The following CTNNA3 variants were observed in gnomAD, a reference collection of about 807,000 sequenced individuals.
CTNNA3 encodes catenin alpha-3.
A neutral mutation model predicts 95.7 loss-of-function variants in CTNNA3; 76 were observed. The observed-to-expected ratio is 0.79, with a 90% CI of 0.66 to 0.96. CTNNA3 has a LOEUF of 0.96. CTNNA3 is among the 40% of genes least tolerant of loss of function. CTNNA3 has a pLI of 0.00. For missense variants in CTNNA3, 1,191 were observed against 1,089.8 expected, an observed-to-expected ratio of 1.09 and a Z score of -1.31; for synonymous variants, 431 against 374.4, an observed-to-expected ratio of 1.15 and a Z score of -1.74.
chr10:67,188,968 T>C (rs1016406154), intron 6 of CTNNA3, among the ~76,000 whole-genome samples: 1 of 151,856 alleles, frequency 6.6e-6, no homozygotes, highest in Non-Finnish European at 1.5e-5. Flanking sequence ...CATACAAAAA[T>C]TAGCCAGGCG....
chr10:66,882,397 G>A (rs948733596), intron 7 of CTNNA3, among the ~76,000 whole-genome samples: 18 of 152,038 alleles, frequency 1.2e-4, no homozygotes, highest in African/African-American at 1.7e-4. Flanking sequence ...CTTGAATTTC[G>A]GCCATCAAAA....
chr10:67,319,723 C>T (rs1228416725), intron 5 of CTNNA3, among the ~76,000 whole-genome samples: 1 of 151,860 alleles, frequency 6.6e-6, no homozygotes, highest in African/African-American at 2.4e-5. Context: ...AAGTAAAACT[C>T]CATCTCTAAT....
At chr10:66,818,730 G>GT (rs113895449) in intron 7 of CTNNA3, among the ~76,000 whole-genome samples, 59,439 of 144,294 alleles carry the variant, frequency 0.41, 12,570 homozygotes, top group African/African-American at 0.53. Flanking sequence ...GTGTTTTGTG[G>GT]GTTTTTTTCA....
intron 9 of CTNNA3, among the ~76,000 whole-genome samples, chr10:66,699,395 T>G (rs576554407): frequency 6.6e-6 from 1 of 152,166 alleles, no homozygotes; most frequent in South Asian, 2.1e-4. Context: ...TTGGTGTTTT[T>G]CTTTTTTTCT....
intron 1 of CTNNA3, chr10:67,750,602 G>A: frequency 5.1e-6 from 8 of 1,557,628 alleles, no homozygotes; most frequent in Non-Finnish European, 7.1e-6. Context: ...TTATCTGGAT[G>A]TCTATCTTAT....
At position 67,163,812 on chromosome 10, in the gene CTNNA3, A is replaced by G. The variant is rs79376504; in HGVS notation, c.1047+16505T>C. On this transcript the variant is annotated intron_variant, in intron 7 of 17. Transcript: ENST00000433211. Reference sequence around the variant, plus strand: ...GGGTTGCAGGATATAAGATAAACATACAAAAATCGATTTTACTTGTATATA... The same window carrying G: ...GGGTTGCAGGATATAAGATAAACATGCAAAAATCGATTTTACTTGTATATA... 8.5e-3 allele frequency among the ~76,000 whole-genome samples: 1,290 copies of G among 152,164 alleles called. 28 individuals are homozygous for G. The highest frequency in any genetic ancestry group is 0.029 in the African/African-American group (1,216 of 41,568).
intron 12 of CTNNA3, among the ~76,000 whole-genome samples, chr10:66,375,240 A>G (rs1388293751): frequency 1.3e-5 from 2 of 152,092 alleles, no homozygotes; most frequent in Admixed American, 6.6e-5. Context: ...AAAAAAAAAA[A>G]AAAAGTTAGA....
intron 1 of CTNNA3, among the ~76,000 whole-genome samples, chr10:67,741,318 A>G (rs1354549169): frequency 1.3e-5 from 2 of 148,764 alleles, no homozygotes; most frequent in East Asian, 3.9e-4. Flanking sequence ...ATAATAAAAA[A>G]ATAAAAAAAT....
intron 5 of CTNNA3, among the ~76,000 whole-genome samples, chr10:67,464,789 G>A (rs1847520384): frequency 6.6e-6 from 1 of 151,648 alleles, no homozygotes; most frequent in African/African-American, 2.4e-5. Context: ...ATAAAATTCT[G>A]GACTTTTGTT....
In CTNNA3 at chr10:66,849,313, T is replaced by C. The variant is rs1843394782; in HGVS notation, c.1048-73789A>G. Among the ~76,000 whole-genome samples the C allele has an allele frequency of 2.6e-5, 4 of 152,194 alleles. No individual in the cohort carries two copies. In the South Asian group the frequency reaches 8.3e-4, roughly 31 times the overall value. On this transcript the variant is annotated intron_variant, in intron 7 of 17. Coordinates refer to ENST00000433211, the MANE Select transcript of CTNNA3 (RefSeq NM_013266.4). ...AGTAAATTAGGAAAAGCAATAAAAT[T>C]GTAGCAAATCCTATAATATGGTAGT...
intron 9 of CTNNA3, among the ~76,000 whole-genome samples, chr10:66,631,879 G>A (rs2394220): frequency 0.37 from 56,699 of 151,792 alleles, 10,781 homozygotes; most frequent in Middle Eastern, 0.5. Context: ...TTGAGTATTC[G>A]GTAACACTTC....
chr10:66,466,477 T>A (rs1303313807), intron 11 of CTNNA3, among the ~76,000 whole-genome samples: 1 of 151,956 alleles, frequency 6.6e-6, no homozygotes, highest in African/African-American at 2.4e-5. Flanking sequence ...ACGTGACCTA[T>A]AAATTCCTCA....
chr10:65,989,326 G>A (rs2078491582), intron 15 of CTNNA3, among the ~76,000 whole-genome samples: 1 of 152,096 alleles, frequency 6.6e-6, no homozygotes, highest in Non-Finnish European at 1.5e-5. Flanking sequence ...AGCCTATTGT[G>A]TTAAGTCAAG....
chr10:67,407,832 A>C (rs1448546939), intron 5 of CTNNA3, among the ~76,000 whole-genome samples: 1 of 152,232 alleles, frequency 6.6e-6, no homozygotes, highest in Non-Finnish European at 1.5e-5. Context: ...CACAATGAGA[A>C]TAAAGTACCT....
chr10:65,938,117 GTA>G (rs1469530080), intron 17 of CTNNA3, among the ~76,000 whole-genome samples: 1 of 152,106 alleles, frequency 6.6e-6, no homozygotes, highest in Non-Finnish European at 1.5e-5. Context: ...ATCTCAATGA[GTA>G]TGTTGAAGCT....
intron 7 of CTNNA3, among the ~76,000 whole-genome samples, chr10:67,092,344 CACTT>C (rs1857696135): frequency 6.6e-6 from 1 of 151,900 alleles, no homozygotes; most frequent in East Asian, 1.9e-4. Flanking sequence ...TCAGACATAA[CACTT>C]ACCAAGCAAA....
chr10:66,551,581 T>C (rs1414843330), intron 10 of CTNNA3, among the ~76,000 whole-genome samples: 2 of 152,164 alleles, frequency 1.3e-5, no homozygotes, highest in Non-Finnish European at 2.9e-5. Flanking sequence ...ATTGTTACAT[T>C]AGTAATTCCT....
rs180695067 is a variant in CTNNA3, at chr10:66,670,277, T to C, written c.1282-48493A>G. ...AATCTGGCTGGGTTCAGCTGATTCC[T>C]GGGGTCTAAAAGGTCCAAATCAAGT... On this transcript the variant is annotated intron_variant, in intron 9 of 17. Transcript: ENST00000433211. Among the ~76,000 whole-genome samples the C allele has an allele frequency of 7.2e-5, 11 of 152,286 alleles. No individual in the cohort carries two copies. The East Asian group carries it at 2.1e-3, about 29-fold the overall frequency.
intron 5 of CTNNA3, among the ~76,000 whole-genome samples, chr10:67,326,149 C>G (rs1336786149): frequency 1.3e-5 from 2 of 152,102 alleles, no homozygotes; most frequent in African/African-American, 4.8e-5. Flanking sequence ...CTCTTGAAGA[C>G]AGCATACTAT....
Sources: gnomAD v4.1 joint callset for allele counts (sites outside exome capture counted in the v4.1 genomes callset) on GRCh38, gnomAD v4.1.1 for gene constraint, MANE v1.5 for transcripts, NCBI Gene and HGNC (gene_info 2026-07-23, HGNC 2026-07-21) for gene names.